MEIKIN: variants seen among roughly 807,000 people sequenced by gnomAD.
The protein encoded by MEIKIN is meiosis-specific kinetochore protein.
chr5:131,861,315 G>T (rs188718469), intron 9 of MEIKIN, among the ~76,000 whole-genome samples: 113 of 152,194 alleles, frequency 7.4e-4, no homozygotes, highest in South Asian at 6.2e-3. Flanking sequence ...CTTAAACCCG[G>T]GAGGTGGAGG....
At chr5:131,833,457 T>C (rs1749747319) in intron 11 of MEIKIN, among the ~76,000 whole-genome samples, 1 of 152,224 alleles carries the variant, frequency 6.6e-6, no homozygotes, top group Non-Finnish European at 1.5e-5. Context: ...TCCTGTCTTC[T>C]TCTGAGACCT....
At chr5:131,934,347 A>C (rs1288776655) in intron 4 of MEIKIN, among the ~76,000 whole-genome samples, 1 of 152,132 alleles carries the variant, frequency 6.6e-6, no homozygotes, top group Non-Finnish European at 1.5e-5. Flanking sequence ...CATCTAAAAA[A>C]CAATGAGCCT....
At chr5:131,910,787 G>A (rs556743761) in intron 8 of MEIKIN, among the ~76,000 whole-genome samples, 56 of 151,894 alleles carry the variant, frequency 3.7e-4, no homozygotes, top group African/African-American at 1.2e-3. Context: ...TAGAGTAAGT[G>A]GCTTATTTAA....
chr5:131,891,576 C>T (rs952903987), intron 8 of MEIKIN, among the ~76,000 whole-genome samples: 1 of 152,098 alleles, frequency 6.6e-6, no homozygotes, highest in Non-Finnish European at 1.5e-5. Flanking sequence ...CTTGGTAGAT[C>T]TTCCTCCATC....
intron 8 of MEIKIN, among the ~76,000 whole-genome samples, chr5:131,889,055 G>T (rs578219406): frequency 5.5e-4 from 83 of 152,266 alleles, no homozygotes; most frequent in African/African-American, 1.9e-3. Flanking sequence ...GCTCTGTTCT[G>T]TTCCATTGGT....
intron 8 of MEIKIN, among the ~76,000 whole-genome samples, chr5:131,885,195 C>G (rs1048024250): frequency 6.6e-6 from 1 of 152,042 alleles, no homozygotes; most frequent in South Asian, 2.1e-4. Context: ...CAGGCAATAG[C>G]CAGGTATTAG....
intron 4 of MEIKIN, among the ~76,000 whole-genome samples, chr5:131,935,381 G>C (rs1471662680): frequency 6.6e-6 from 1 of 151,630 alleles, no homozygotes; most frequent in Non-Finnish European, 1.5e-5. Context: ...TATTTGAACA[G>C]AGAATCTTCC....
intron 4 of MEIKIN, among the ~76,000 whole-genome samples, chr5:131,934,312 G>A (rs1292065496): frequency 6.6e-6 from 1 of 152,044 alleles, no homozygotes; most frequent in Non-Finnish European, 1.5e-5. Context: ...CTAACTAGCT[G>A]AGGAAAGGGT....
intron 3 of MEIKIN, among the ~76,000 whole-genome samples, chr5:131,944,131 A>G (rs1198228311): frequency 6.6e-6 from 1 of 151,870 alleles, no homozygotes; most frequent in East Asian, 1.9e-4. Context: ...AAAAAAAGGA[A>G]CTTGACTATG....
intron 8 of MEIKIN, among the ~76,000 whole-genome samples, chr5:131,898,609 T>A (rs956422703): frequency 6.6e-6 from 1 of 152,224 alleles, no homozygotes; most frequent in Admixed American, 6.5e-5. Context: ...CCACTTTGTT[T>A]ACCAACTCTA....
intron 8 of MEIKIN, among the ~76,000 whole-genome samples, chr5:131,891,095 T>G (rs1750906559): frequency 6.6e-6 from 1 of 152,210 alleles, no homozygotes; most frequent in Non-Finnish European, 1.5e-5. Context: ...TTTGTTATGA[T>G]TTCTGTTCTT....
At position 131,877,112 on chromosome 5, in the gene MEIKIN, C is replaced by A. The variant is rs180966426; in HGVS notation, c.774+1866G>T. On this transcript the variant is annotated intron_variant, in intron 9 of 12. Coordinates refer to ENST00000442687, the MANE Select transcript of MEIKIN (RefSeq NM_001303622.2). Reference sequence around the variant, plus strand: ...TGTATACATATGTAACAAACCTGCACATTGTGCACATGTACCTACAAGTTA... The same window carrying A: ...TGTATACATATGTAACAAACCTGCAAATTGTGCACATGTACCTACAAGTTA... 4.8e-3 allele frequency among the ~76,000 whole-genome samples: 721 copies of A among 151,760 alleles called. 4 individuals are homozygous for A. The highest frequency in any genetic ancestry group is 0.017 in the African/African-American group (685 of 41,356).
chr5:131,895,048 T>C (rs1751010360), intron 8 of MEIKIN, among the ~76,000 whole-genome samples: 1 of 151,332 alleles, frequency 6.6e-6, no homozygotes, highest in Non-Finnish European at 1.5e-5. Context: ...GTCATAAATT[T>C]TGAGGTACAT....
intron 11 of MEIKIN, among the ~76,000 whole-genome samples, chr5:131,840,151 T>C (rs925322283): frequency 6.6e-6 from 1 of 152,222 alleles, no homozygotes; most frequent in African/African-American, 2.4e-5. Context: ...AATTCTTGGT[T>C]GGAATTTACT....
chr5:131,885,366 AGAGAGAGAGAGAGAGAGAGAGAGAG>A lies in MEIKIN; in HGVS notation c.704-6343_704-6319del, dbSNP rs1561743981. Among the ~76,000 whole-genome samples the A allele has an allele frequency of 9.8e-3, 675 of 69,062 alleles. 54 individuals are homozygous for A. Among genetic ancestry groups the A allele is most frequent in the African/African-American group, 0.027 (587 of 21,924 alleles). The allele number at this position is 69,062 out of a possible 152,430, so 45.3% of individuals were successfully genotyped here. On this transcript the variant is annotated intron_variant, in intron 8 of 12. Transcript: ENST00000442687. Reference sequence around the variant, plus strand: ...AAGAGAGAGAGAGAGAGAGAGAGAGAGAGAGAGAGAGAGAGAGAGAGAGAGAGAGAGAGAGAGAGAGAGAGAGAGA... The same window carrying A: ...AAGAGAGAGAGAGAGAGAGAGAGAGAAGAGAGAGAGAGAGAGAGAGAGAGA...
rs759203302 is a variant in MEIKIN, at chr5:131,903,648, G to A, written c.703+8167C>T. The stretch of plus-strand genomic sequence containing the variant: ...GGTCCTAAAAGGAGTGCTAAATATG[G>A]AAAAGAAAGACCGTTACCAGCCACT... On this transcript the variant is annotated intron_variant, in intron 8 of 12. Transcript: ENST00000442687. 6.2e-3 allele frequency among the ~76,000 whole-genome samples: 945 copies of A among 152,176 alleles called. 5 individuals are homozygous for A. Among genetic ancestry groups the A allele is most frequent in the Middle Eastern group, 0.014 (4 of 294 alleles).
chr5:131,835,303 T>G (rs1251887996), intron 11 of MEIKIN, among the ~76,000 whole-genome samples: 2 of 152,050 alleles, frequency 1.3e-5, no homozygotes, highest in Non-Finnish European at 2.9e-5. Context: ...AAATATTTTC[T>G]AACATTCTAT....
chr5:131,921,238 G>A (rs1051856019), intron 6 of MEIKIN, among the ~76,000 whole-genome samples: 21 of 152,218 alleles, frequency 1.4e-4, no homozygotes, highest in Admixed American at 1.2e-3. Flanking sequence ...AAGACTGAGT[G>A]CAATGGCTCA....
chr5:131,903,046 A>G lies in MEIKIN; in HGVS notation c.703+8769T>C, dbSNP rs545136212. ...AAGAGTAGAATTGACCATGCTGAGGAAAGAATCTCAGAGGTTGAAGCCTGG... is the reference window on the plus strand; with the variant it reads ...AAGAGTAGAATTGACCATGCTGAGGGAAGAATCTCAGAGGTTGAAGCCTGG... On this transcript the variant is annotated intron_variant, in intron 8 of 12. Coordinates refer to ENST00000442687, the MANE Select transcript of MEIKIN (RefSeq NM_001303622.2). Among the ~76,000 whole-genome samples, 8 of 152,300 alleles carry G rather than the reference A, an allele frequency of 5.3e-5. No individual in the cohort carries two copies. In the South Asian group the frequency reaches 1.7e-3, roughly 32 times the overall value.
Sources: allele counts gnomAD v4.1 joint callset (sites outside exome capture counted in the v4.1 genomes callset), GRCh38; gene constraint gnomAD v4.1.1; transcripts MANE v1.5; gene names NCBI Gene and HGNC (gene_info 2026-07-23, HGNC 2026-07-21).